The following RABGAP1L variants were observed in gnomAD, a reference collection of about 807,000 sequenced individuals.
The protein encoded by RABGAP1L is RAB GTPase activating protein 1 like.
A neutral mutation model predicts 137.7 loss-of-function variants in RABGAP1L; 63 were observed. The ratio of observed to expected loss-of-function variants is 0.46; its 90% CI spans 0.37 to 0.56. RABGAP1L has a LOEUF of 0.56. Among genes scored for constraint, RABGAP1L ranks in the 20% least tolerant of loss-of-function variants. RABGAP1L has a pLI of 0.00. For missense variants in RABGAP1L, 1,095 were observed against 1,244.0 expected (o/e 0.88, Z 1.80); for synonymous variants, 431 against 433.7 (o/e 0.99, Z 0.08).
chr1:174,681,441 G>C (rs1678062218), intron 14 of RABGAP1L, among the ~76,000 whole-genome samples: 1 of 152,204 alleles, frequency 6.6e-6, no homozygotes, highest in Non-Finnish European at 1.5e-5. Context: ...AAAGAAGCTA[G>C]ACACAAAAGA....
chr1:174,212,774 GA>G (rs1198286461), intron 1 of RABGAP1L, among the ~76,000 whole-genome samples: 5 of 151,990 alleles, frequency 3.3e-5, no homozygotes, highest in Non-Finnish European at 7.4e-5. Context: ...AAAAGTTAAT[GA>G]AAATTGACAA....
intron 18 of RABGAP1L, among the ~76,000 whole-genome samples, chr1:174,799,345 A>G (rs558421164): frequency 6.6e-6 from 1 of 152,298 alleles, no homozygotes; most frequent in African/African-American, 2.4e-5. Flanking sequence ...TCTTCTGTCC[A>G]TACTCTATCA....
intron 13 of RABGAP1L, among the ~76,000 whole-genome samples, chr1:174,583,048 T>C (rs1484401900): frequency 6.6e-6 from 1 of 152,176 alleles, no homozygotes; most frequent in Admixed American, 6.5e-5. Context: ...TCAGAAAAAT[T>C]CCTTTTTCCA....
At chr1:174,680,161 T>C (rs1470316283) in intron 14 of RABGAP1L, among the ~76,000 whole-genome samples, 1 of 152,226 alleles carries the variant, frequency 6.6e-6, no homozygotes, top group Non-Finnish European at 1.5e-5. Flanking sequence ...ATTTGTAATA[T>C]GCATGTCTGA....
At chr1:174,239,392 A>T (rs1331503783) in intron 4 of RABGAP1L, among the ~76,000 whole-genome samples, 1 of 152,134 alleles carries the variant, frequency 6.6e-6, no homozygotes, top group East Asian at 1.9e-4. Flanking sequence ...ATTCATTCTT[A>T]TAGGACTTAC....
intron 19 of RABGAP1L, among the ~76,000 whole-genome samples, chr1:174,918,986 G>A (rs1661351307): frequency 6.6e-6 from 1 of 151,350 alleles, no homozygotes; most frequent in Non-Finnish European, 1.5e-5. Flanking sequence ...CACTGCATCT[G>A]CCTAAGCGAC....
chr1:174,375,361 T>C (rs1317650572), intron 12 of RABGAP1L, among the ~76,000 whole-genome samples: 3 of 151,212 alleles, frequency 2.0e-5, no homozygotes, highest in African/African-American at 7.3e-5. Context: ...AGCAAGGAAA[T>C]AAGAACAGAA....
At chr1:174,795,099 C>G (rs549201389) in intron 18 of RABGAP1L, among the ~76,000 whole-genome samples, 6 of 152,258 alleles carry the variant, frequency 3.9e-5, no homozygotes, top group African/African-American at 1.4e-4. Flanking sequence ...AATGACACTT[C>G]TAGTCATTAG....
At chr1:174,491,953 G>C (rs988294442) in intron 13 of RABGAP1L, among the ~76,000 whole-genome samples, 1 of 152,172 alleles carries the variant, frequency 6.6e-6, no homozygotes, top group African/African-American at 2.4e-5. Flanking sequence ...ACTGCTGGGG[G>C]ATGAGGGAAT....
intron 20 of RABGAP1L, among the ~76,000 whole-genome samples, chr1:174,962,205 C>CCCCA (rs1553295731): frequency 2.2e-5 from 3 of 136,732 alleles, no homozygotes; most frequent in Non-Finnish European, 3.1e-5. Flanking sequence ...CACCCCCCCC[C>CCCCA]CACACACACA....
chr1:174,699,492 A>G (rs372545212), intron 15 of RABGAP1L, 33 bp from the exon 16 acceptor site: 79 of 1,579,606 alleles, frequency 5.0e-5, no homozygotes, highest in Non-Finnish European at 6.2e-5. Context: ...AATGCCACTT[A>G]TTTATATTGT....
chr1:174,601,957 G>A (rs544176475), intron 13 of RABGAP1L, among the ~76,000 whole-genome samples: 7 of 152,180 alleles, frequency 4.6e-5, no homozygotes, highest in Admixed American at 2.0e-4. Flanking sequence ...CTGAGACCAC[G>A]TAAGCCTGGA....
In RABGAP1L at chr1:174,973,993, T is replaced by G. The variant is rs967618705; in HGVS notation, c.2545-2085T>G. Reference sequence around the variant, plus strand: ...AATTGTTTTTTGTTTTTTTTTTTTTTTTTTTTTTTTTTTGAGACGGAGTCT... The same window carrying G: ...AATTGTTTTTTGTTTTTTTTTTTTTGTTTTTTTTTTTTTGAGACGGAGTCT... On this transcript the variant is annotated intron_variant, in intron 21 of 25. Transcript: ENST00000681986. 2.7e-3 allele frequency among the ~76,000 whole-genome samples: 358 copies of G among 130,688 alleles called. 14 individuals are homozygous for G. Among genetic ancestry groups the G allele is most frequent in the African/African-American group, 9.1e-3 (327 of 35,920 alleles). The allele number at this position is 130,688 out of a possible 152,430, so 85.7% of individuals were successfully genotyped here. A position where few individuals can be genotyped will look rare whatever the true frequency, so the allele number is the denominator to read the frequency against.
chr1:174,193,173 G>A (rs758249843), intron 1 of RABGAP1L, among the ~76,000 whole-genome samples: 4 of 152,096 alleles, frequency 2.6e-5, no homozygotes, highest in East Asian at 1.9e-4. Flanking sequence ...ATCAAACCTC[G>A]AATGTTTACA....
chr1:174,544,057 C>T (rs2147948675), intron 13 of RABGAP1L, among the ~76,000 whole-genome samples: 1 of 152,282 alleles, frequency 6.6e-6, no homozygotes, highest in South Asian at 2.1e-4. Flanking sequence ...TTTGGTGAAT[C>T]TGACAGTTAT....
At chr1:174,803,006 C>CT (rs1472721613) in intron 18 of RABGAP1L, among the ~76,000 whole-genome samples, 1 of 152,122 alleles carries the variant, frequency 6.6e-6, no homozygotes, top group Non-Finnish European at 1.5e-5. Flanking sequence ...AACATGAATG[C>CT]TTGTGGGTTA....
intron 1 of RABGAP1L, among the ~76,000 whole-genome samples, chr1:174,187,413 A>G (rs562302894): frequency 3.3e-5 from 5 of 152,222 alleles, no homozygotes; most frequent in Admixed American, 2.6e-4. Context: ...CTGCTATGTA[A>G]TAAGAAGCTT....
At chr1:174,511,437 A>G (rs560920078) in intron 13 of RABGAP1L, among the ~76,000 whole-genome samples, 1 of 152,334 alleles carries the variant, frequency 6.6e-6, no homozygotes, top group Non-Finnish European at 1.5e-5. Flanking sequence ...AGAACACAAG[A>G]AACTAAAATA....
chr1:174,615,292 C>T (rs1236098516), intron 13 of RABGAP1L, among the ~76,000 whole-genome samples: 2 of 152,200 alleles, frequency 1.3e-5, no homozygotes, highest in African/African-American at 4.8e-5. Context: ...TTCCTTCTAA[C>T]AGACAGGACC....
Sources: gnomAD v4.1 joint callset for allele counts (sites outside exome capture counted in the v4.1 genomes callset) on GRCh38, gnomAD v4.1.1 for gene constraint, MANE v1.5 for transcripts, NCBI Gene and HGNC (gene_info 2026-07-23, HGNC 2026-07-21) for gene names.